Variants in ZFAND5 observed in about 807,000 individuals in gnomAD.
ZFAND5 encodes AN1-type zinc finger protein 5.
ZFAND5 carries 4 observed loss-of-function variants against 23.6 expected under a neutral mutation model. The observed-to-expected ratio is 0.17, with a 90% CI of 0.08 to 0.39. ZFAND5 has a LOEUF of 0.39. Among genes scored for constraint, ZFAND5 ranks in the 10% least tolerant of loss-of-function variants. The probability of loss-of-function intolerance (pLI) is 1.00; values close to 1 mark genes in which losing one functional copy is unlikely to be tolerated. For synonymous variants in ZFAND5, 68 were observed against 80.6 expected (o/e 0.84, Z 0.84); for missense variants, 161 against 253.7 (o/e 0.63, Z 2.48).
intron 1 of ZFAND5, 91 bp downstream of exon 1, chr9:72,364,605 C>T (rs1175805445): frequency 4.9e-6 from 6 of 1,216,148 alleles, no homozygotes; most frequent in Non-Finnish European, 6.3e-6. Context: ...TCCGGCTTCG[C>T]CATTGGCCCG....
chr9:72,360,155 A>T lies in ZFAND5; in HGVS notation c.218T>A (p.Leu73Ter). Residue 73 changes from leucine to a stop codon, truncating the protein, a stop_gained, in exon 4 of 7, where the codon TTA becomes TAA. Transcript: ENST00000376962. LOFTEE classifies it high-confidence loss of function. ...SASVQRADTSLNNCEGAAGST... is the reference protein window; with the variant it reads ...SASVQRADTS ...GCCAGCAGCACCTTCACAGTTGTTT[A>T]AGCTAGTGTCTGCTCTCTGTACAGA... 6.2e-7 allele frequency: 1 copy of T among 1,612,880 alleles called. No individual in the cohort carries two copies. Among genetic ancestry groups the T allele is most frequent in the East Asian group, 2.2e-5 (1 of 44,858 alleles).
chr9:72,360,181 T>G lies in ZFAND5; in HGVS notation c.192A>C (p.Ala64=). ...AGCTAGTGTCTGCTCTCTGTACAGA[T>G]GCAGAATCTGAGGTAGGACTGTTGG... ...SGSNSPTSDS[A]SVQRADTSLN... is the part of the protein sequence containing the mutation. Residue 64 remains alanine, a synonymous_variant, in exon 4 of 7, where the codon GCA becomes GCC. Coordinates refer to ENST00000376962, the MANE Select transcript of ZFAND5 (RefSeq NM_001102420.3). The G allele has an allele frequency of 6.2e-7, 1 of 1,613,076 alleles. No individual in the cohort carries two copies. Among genetic ancestry groups the G allele is most frequent in the Non-Finnish European group, 8.5e-7 (1 of 1,179,364 alleles).
At chr9:72,356,523 C>G (rs1397107312) in intron 6 of ZFAND5, among the ~76,000 whole-genome samples, 1 of 152,178 alleles carries the variant, frequency 6.6e-6, no homozygotes, top group Non-Finnish European at 1.5e-5. Context: ...ATTCAAAACA[C>G]AGTCCTACCA....
rs1355827987 is a variant in ZFAND5 at position 72,354,991 on chromosome 9, G to C, written c.*962C>G. The C allele has an allele frequency of 6.6e-6, 1 of 152,636 alleles. No individual in the cohort carries two copies. The highest frequency in any genetic ancestry group is 1.5e-5 in the Non-Finnish European group (1 of 68,034). The allele number at this position is 152,636 out of a possible 1,614,324, so 9.5% of individuals were successfully genotyped here. A position where few individuals can be genotyped will look rare whatever the true frequency, so the allele number is the denominator to read the frequency against. On this transcript the variant is annotated 3_prime_UTR_variant, in exon 7 of 7. Transcript: ENST00000376962. ...AGTCTACTGCAGCCATGTTGGTTAT[G>C]ATTTTCCATGCAGAAGGGTACAGTT...
intron 4 of ZFAND5, 48 bp from the exon 5 acceptor site, chr9:72,359,569 T>C (rs1842039352): frequency 1.3e-6 from 2 of 1,519,830 alleles, no homozygotes; most frequent in African/African-American, 1.4e-5. Flanking sequence ...AGGGTACTTC[T>C]TGAGACAATG....
Position 72,355,811 on chromosome 9 carries a change from AAAATATCAATTAT to A in ZFAND5, c.*129_*141del. The A allele has an allele frequency of 1.2e-6, 1 of 802,390 alleles. No individual in the cohort carries two copies. 49.7% of individuals were successfully genotyped at this position (802,390 alleles called of 1,614,324 possible). A position where few individuals can be genotyped will look rare whatever the true frequency, so the allele number is the denominator to read the frequency against. On this transcript the variant is annotated 3_prime_UTR_variant, in exon 7 of 7. Transcript: ENST00000376962. The stretch of plus-strand genomic sequence containing the variant: ...CCTGTAACAAACACCCAAACATCCT[AAAATATCAATTAT>A]AAGACAGACAAGTGTAATGTAAAAC...
In ZFAND5 at chr9:72,355,458, T is replaced by A. The variant is rs1587868303; in HGVS notation, c.*495A>T. On this transcript the variant is annotated 3_prime_UTR_variant, in exon 7 of 7. Transcript: ENST00000376962. ...GGGAAAGAAGGTCTGATCCTCTTTATGAGCATTTCTTCCTGCTTCCAAAGA... is the reference window on the plus strand; with the variant it reads ...GGGAAAGAAGGTCTGATCCTCTTTAAGAGCATTTCTTCCTGCTTCCAAAGA... 6.5e-6 allele frequency: 1 copy of A among 152,976 alleles called. No individual in the cohort carries two copies. The highest frequency in any genetic ancestry group is 1.9e-4 in the East Asian group (1 of 5,198). 9.5% of individuals were successfully genotyped at this position (152,976 alleles called of 1,614,324 possible).
rs1842132925 is a variant in ZFAND5 at position 72,362,466 on chromosome 9, G to A, written c.-10+1004C>T. Among the ~76,000 whole-genome samples, 3 of 152,200 alleles carry A rather than the reference G, an allele frequency of 2.0e-5. No individual in the cohort carries two copies. The South Asian group carries it at 6.2e-4, about 32-fold the overall frequency. On this transcript the variant is annotated intron_variant, in intron 2 of 6. Transcript: ENST00000376962. ...TTTCTACACTGAGGCCCAGTCTCAT[G>A]TGACATTGGCTTTAAAGTTTAAGGC...
At chr9:72,356,906 T>C in intron 6 of ZFAND5, 25 bp downstream of exon 6, 1 of 1,609,706 alleles carries the variant, frequency 6.2e-7, no homozygotes, top group Non-Finnish European at 8.5e-7. Flanking sequence ...AAGTAAAACA[T>C]ACATTGTCTT....
Position 72,358,184 on chromosome 9 carries a change from C to G in ZFAND5, c.368-1128G>C, listed in dbSNP as rs145385862. Among the ~76,000 whole-genome samples, 39 of 152,190 alleles carry G rather than the reference C, an allele frequency of 2.6e-4. 1 individual carries two copies. The East Asian group carries it at 6.6e-3, about 26-fold the overall frequency. The stretch of plus-strand genomic sequence containing the variant: ...TAATTCAATTGCATTAGCAATGAAT[C>G]TACTGGGAGAAATAGCCTAATATTA... On this transcript the variant is annotated intron_variant, in intron 5 of 6. Coordinates refer to ENST00000376962, the MANE Select transcript of ZFAND5 (RefSeq NM_001102420.3).
At position 72,354,035 on chromosome 9, in the gene ZFAND5, T is replaced by C. The variant is rs1344516975; in HGVS notation, c.*1918A>G. Reference sequence around the variant, plus strand: ...ACCTGTCACCCCTTGTTCTTTATGATCTGGCATAAACGCTACAGAGACCAA... The same window carrying C: ...ACCTGTCACCCCTTGTTCTTTATGACCTGGCATAAACGCTACAGAGACCAA... On this transcript the variant is annotated 3_prime_UTR_variant, in exon 7 of 7. Coordinates refer to ENST00000376962, the MANE Select transcript of ZFAND5 (RefSeq NM_001102420.3). 1 of 152,208 alleles carries C rather than the reference T, an allele frequency of 6.6e-6. No homozygotes were observed. The highest frequency in any genetic ancestry group is 1.5e-5 in the Non-Finnish European group (1 of 68,034). The allele number at this position is 152,208 out of a possible 1,614,324, so 9.4% of individuals were successfully genotyped here. A position where few individuals can be genotyped will look rare whatever the true frequency, so the allele number is the denominator to read the frequency against.
chr9:72,364,528 C>A, intron 1 of ZFAND5, 168 bp downstream of exon 1: 1 of 1,279,496 alleles, frequency 7.8e-7, no homozygotes, highest in African/African-American at 1.6e-5. Context: ...GATGACGCCT[C>A]CGTCTTTGTG....
intron 6 of ZFAND5, 39 bp downstream of exon 6, chr9:72,356,892 G>A: frequency 6.2e-7 from 1 of 1,606,704 alleles, no homozygotes; most frequent in Non-Finnish European, 8.5e-7. Context: ...CTTGTTAACT[G>A]CAGAAGTAAA....
chr9:72,355,854 G>A lies in ZFAND5; in HGVS notation c.*99C>T, dbSNP rs1216758432. On this transcript the variant is annotated 3_prime_UTR_variant, in exon 7 of 7. Coordinates refer to ENST00000376962, the MANE Select transcript of ZFAND5 (RefSeq NM_001102420.3). Reference sequence around the variant, plus strand: ...CAGACAAGTGTAATGTAAAACTCTGGAGAACATCAAAGAAAAATGGCCATG... The same window carrying A: ...CAGACAAGTGTAATGTAAAACTCTGAAGAACATCAAAGAAAAATGGCCATG... 5 of 1,117,414 alleles carry A rather than the reference G, an allele frequency of 4.5e-6. No homozygotes were observed. The East Asian group carries it at 7.5e-5, about 17-fold the overall frequency. The allele number at this position is 1,117,414 out of a possible 1,614,324, so 69.2% of individuals were successfully genotyped here.
chr9:72,363,047 CA>C (rs1341443653), intron 2 of ZFAND5, among the ~76,000 whole-genome samples: 1 of 152,114 alleles, frequency 6.6e-6, no homozygotes, highest in Admixed American at 6.5e-5. Context: ...AGAACAATCT[CA>C]ATCTAGAAGA....
chr9:72,361,005 C>G (rs543006094), intron 2 of ZFAND5, among the ~76,000 whole-genome samples: 200 of 152,020 alleles, frequency 1.3e-3, no homozygotes, highest in African/African-American at 4.5e-3. Context: ...GAAATTTTAT[C>G]AATTATTAGG....
In ZFAND5 at chr9:72,356,173, T is replaced by C. The variant is rs532046074; in HGVS notation, c.494-72A>G. The stretch of plus-strand genomic sequence containing the variant: ...AAAGAAAAAAAAGCCTTAGTCACTA[T>C]AGAAAAGGAACCAGATTTTCATTGC... On this transcript the variant is annotated intron_variant, in intron 6 of 6. Coordinates refer to ENST00000376962, the MANE Select transcript of ZFAND5 (RefSeq NM_001102420.3). 117 of 1,544,740 alleles carry C rather than the reference T, an allele frequency of 7.6e-5. No homozygotes were observed. The East Asian group carries it at 1.1e-3, about 15-fold the overall frequency.
chr9:72,362,097 C>T (rs1209677471), intron 2 of ZFAND5, among the ~76,000 whole-genome samples: 1 of 152,188 alleles, frequency 6.6e-6, no homozygotes, highest in Non-Finnish European at 1.5e-5. Context: ...GTGCACCATA[C>T]AAATATTAAG....
At chr9:72,364,530 G>T in intron 1 of ZFAND5, 166 bp downstream of exon 1, 5 of 1,278,582 alleles carry the variant, frequency 3.9e-6, no homozygotes, top group Non-Finnish European at 5.1e-6. Flanking sequence ...TGACGCCTCC[G>T]TCTTTGTGCT....
Sources: gnomAD v4.1 joint callset for allele counts (sites outside exome capture counted in the v4.1 genomes callset) on GRCh38, gnomAD v4.1.1 for gene constraint, MANE v1.5 for transcripts, NCBI Gene and HGNC (gene_info 2026-07-23, HGNC 2026-07-21) for gene names.